The following C4BPA variants were observed in gnomAD, a reference collection of about 807,000 sequenced individuals.
C4BPA encodes the protein C4b-binding protein alpha chain.
In C4BPA, 31 loss-of-function variants were observed where a neutral mutation model predicts 63.7. The ratio of observed to expected loss-of-function variants is 0.49; its 90% CI spans 0.37 to 0.66. The LOEUF is 0.66. Among genes scored for constraint, C4BPA ranks in the 30% least tolerant of loss-of-function variants. The probability of loss-of-function intolerance (pLI) is 0.00; values close to 1 mark genes in which losing one functional copy is unlikely to be tolerated. For synonymous variants in C4BPA, 259 were observed against 254.7 expected (o/e 1.02, Z -0.16); for missense variants, 572 against 723.3 (o/e 0.79, Z 2.40).
intron 9 of C4BPA, 95 bp downstream of exon 9, chr1:207,134,687 C>A: frequency 1.2e-6 from 1 of 830,960 alleles, no homozygotes; most frequent in Non-Finnish European, 1.9e-6. Flanking sequence ...TAAAAAAATT[C>A]ATATACCTTG....
At chr1:207,106,750 T>C (rs996773038) in intron 1 of C4BPA, among the ~76,000 whole-genome samples, 6 of 152,236 alleles carry the variant, frequency 3.9e-5, no homozygotes, top group Non-Finnish European at 8.8e-5. Flanking sequence ...CTCCTCTGTG[T>C]AAGTTTTAAG....
At chr1:207,120,315 A>G (rs1457570051) in intron 4 of C4BPA, among the ~76,000 whole-genome samples, 5 of 152,226 alleles carry the variant, frequency 3.3e-5, no homozygotes, top group Non-Finnish European at 5.9e-5. Context: ...TCCATGCAAC[A>G]TTTGGATCAC....
At chr1:207,113,957 G>C (rs1684725257) in intron 2 of C4BPA, 143 bp from the exon 3 acceptor site, 2 of 648,950 alleles carry the variant, frequency 3.1e-6, no homozygotes, top group South Asian at 4.0e-5. Flanking sequence ...TGAACAGAGA[G>C]TATAATAGGA....
intron 10 of C4BPA, among the ~76,000 whole-genome samples, chr1:207,141,776 G>A (rs1685421035): frequency 6.6e-6 from 1 of 152,166 alleles, no homozygotes. Context: ...TGCAGCAGTT[G>A]TGGGGACAGG....
rs1172491213 is a variant in C4BPA, at chr1:207,131,272, T to A, written c.890-274T>A. 2.0e-5 allele frequency among the ~76,000 whole-genome samples: 3 copies of A among 152,204 alleles called. No individual in the cohort carries two copies. In the East Asian group the frequency reaches 5.8e-4, roughly 29 times the overall value. The stretch of plus-strand genomic sequence containing the variant: ...AGTTCAGAAACTAAAATCTCTGAAA[T>A]GTAAAGAAGAGGAATGAGAATTAAA... On this transcript the variant is annotated intron_variant, in intron 7 of 11. Coordinates refer to ENST00000367070, the MANE Select transcript of C4BPA (RefSeq NM_000715.4).
intron 9 of C4BPA, among the ~76,000 whole-genome samples, chr1:207,140,599 AT>A (rs1685394010): frequency 6.6e-6 from 1 of 151,712 alleles, no homozygotes; most frequent in Admixed American, 6.6e-5. Flanking sequence ...GACTATTTCA[AT>A]GTTCAAGTCA....
At chr1:207,113,257 G>A (rs1236443072) in intron 2 of C4BPA, 90 bp downstream of exon 2, 2 of 1,396,946 alleles carry the variant, frequency 1.4e-6, no homozygotes, top group Non-Finnish European at 2.0e-6. Flanking sequence ...TGATGACTGA[G>A]CTTCTAGCAG....
At chr1:207,116,776 GA>G (rs1174603218) in intron 4 of C4BPA, among the ~76,000 whole-genome samples, 1 of 151,492 alleles carries the variant, frequency 6.6e-6, no homozygotes, top group Non-Finnish European at 1.5e-5. Flanking sequence ...AATTTATTTG[GA>G]GTTAATATAC....
intron 1 of C4BPA, among the ~76,000 whole-genome samples, chr1:207,111,264 A>G (rs1474467447): frequency 6.6e-6 from 1 of 152,196 alleles, no homozygotes; most frequent in African/African-American, 2.4e-5. Context: ...AAGTCCCAGA[A>G]TGTTGGTCCT....
intron 10 of C4BPA, among the ~76,000 whole-genome samples, chr1:207,142,050 C>T (rs1222496025): frequency 6.6e-6 from 1 of 152,062 alleles, no homozygotes; most frequent in Non-Finnish European, 1.5e-5. Context: ...GGTATTTCTC[C>T]TAATGTTATC....
Position 207,107,034 on chromosome 1 carries a change from T to C in C4BPA, c.-26+2604T>C, listed in dbSNP as rs186957219. 1.7e-4 allele frequency among the ~76,000 whole-genome samples: 26 copies of C among 152,192 alleles called. 1 individual carries two copies. Among genetic ancestry groups the C allele is most frequent in the Middle Eastern group, 6.8e-3 (2 of 294 alleles). On this transcript the variant is annotated intron_variant, in intron 1 of 11. Transcript: ENST00000367070. ...ATGTATTTCGGGAGGCAAAAGCAAATAGATAGTTAGGATACAAAACAATGC... is the reference window on the plus strand; with the variant it reads ...ATGTATTTCGGGAGGCAAAAGCAAACAGATAGTTAGGATACAAAACAATGC...
chr1:207,123,236 T>C (rs1429263461), intron 4 of C4BPA, among the ~76,000 whole-genome samples: 1 of 152,254 alleles, frequency 6.6e-6, no homozygotes, highest in East Asian at 1.9e-4. Context: ...AGTTGAGATA[T>C]ATTTTCTTGA....
At chr1:207,109,823 T>A (rs1252603532) in intron 1 of C4BPA, among the ~76,000 whole-genome samples, 1 of 152,232 alleles carries the variant, frequency 6.6e-6, no homozygotes, top group Non-Finnish European at 1.5e-5. Flanking sequence ...AGTTTAAGAA[T>A]GGAAGAGCCT....
At chr1:207,137,409 C>T (rs141629690) in intron 9 of C4BPA, among the ~76,000 whole-genome samples, 2 of 152,244 alleles carry the variant, frequency 1.3e-5, no homozygotes, top group South Asian at 2.1e-4. Context: ...TTTAGGGAGA[C>T]ATAATACATG....
intron 6 of C4BPA, among the ~76,000 whole-genome samples, 175 bp from the exon 7 acceptor site, chr1:207,126,538 T>C (rs1021303819): frequency 6.6e-6 from 1 of 150,826 alleles, no homozygotes; most frequent in African/African-American, 2.4e-5. Context: ...TATACAGATA[T>C]ATATGTATGC....
At chr1:207,108,205 A>T (rs950302792) in intron 1 of C4BPA, among the ~76,000 whole-genome samples, 4 of 152,202 alleles carry the variant, frequency 2.6e-5, no homozygotes, top group African/African-American at 9.7e-5. Context: ...AAGTTTGCAG[A>T]TAAAGAGGAA....
chr1:207,112,127 G>T (rs1684679631), intron 1 of C4BPA, among the ~76,000 whole-genome samples: 2 of 151,616 alleles, frequency 1.3e-5, no homozygotes, highest in Non-Finnish European at 2.9e-5. Context: ...TACTAATTTT[G>T]CTTTAAACAA....
intron 1 of C4BPA, among the ~76,000 whole-genome samples, chr1:207,105,583 AAG>A (rs972472436): frequency 3.3e-5 from 5 of 151,740 alleles, no homozygotes; most frequent in Non-Finnish European, 5.9e-5. Context: ...AGAAAAAAAA[AAG>A]AGATTCTAGG....
At chr1:207,122,020 T>G (rs78217040) in intron 4 of C4BPA, among the ~76,000 whole-genome samples, 6,324 of 152,314 alleles carry the variant, frequency 0.042, 166 homozygotes, top group Non-Finnish European at 0.062. Flanking sequence ...GTCTCTATTT[T>G]TTCTTAGTTA....
Sources: gnomAD v4.1 joint callset for allele counts (sites outside exome capture counted in the v4.1 genomes callset) on GRCh38, gnomAD v4.1.1 for gene constraint, MANE v1.5 for transcripts, NCBI Gene and HGNC (gene_info 2026-07-23, HGNC 2026-07-21) for gene names.